Variants in GDAP1 observed in about 807,000 individuals in gnomAD.
GDAP1 encodes ganglioside-induced differentiation-associated protein 1.
Under a neutral mutation model 40.1 loss-of-function variants are expected in GDAP1, and 34 were observed. That is an observed-to-expected ratio of 0.85 (90% CI 0.64 to 1.13). GDAP1 has a LOEUF of 1.13. GDAP1 is among the 50% of genes most tolerant of loss of function. The probability of loss-of-function intolerance (pLI) is 0.00; values close to 1 mark genes in which losing one functional copy is unlikely to be tolerated. For missense variants in GDAP1, 374 were observed against 433.7 expected (o/e 0.86, Z 1.22); for synonymous variants, 170 against 157.4 (o/e 1.08, Z -0.60).
At chr8:74,480,138 G>A (rs1316814252) in intron 2 of GDAP1, among the ~76,000 whole-genome samples, 1 of 151,962 alleles carries the variant, frequency 6.6e-6, no homozygotes, top group African/African-American at 2.4e-5. Flanking sequence ...ATAGGCGCAT[G>A]CCACCACACC....
At chr8:74,446,124 G>A (rs962466514) in intron 2 of GDAP1, among the ~76,000 whole-genome samples, 2 of 152,112 alleles carry the variant, frequency 1.3e-5, no homozygotes, top group Non-Finnish European at 2.9e-5. Flanking sequence ...GGGGAGCTGG[G>A]TTGCTATCAG....
At chr8:74,401,937 G>A (rs561866152) in intron 2 of GDAP1, among the ~76,000 whole-genome samples, 2 of 150,092 alleles carry the variant, frequency 1.3e-5, no homozygotes, top group East Asian at 1.9e-4. Context: ...AGGAGTACCC[G>A]GCCGTGTGGT....
intron 2 of GDAP1, among the ~76,000 whole-genome samples, chr8:74,420,392 C>T (rs768266294): frequency 6.6e-6 from 1 of 152,112 alleles, no homozygotes; most frequent in Non-Finnish European, 1.5e-5. Context: ...TTACTTTCTA[C>T]ACTTAGGAAA....
chr8:74,375,459 T>C (rs1461595432), intron 2 of GDAP1, among the ~76,000 whole-genome samples: 2 of 152,212 alleles, frequency 1.3e-5, no homozygotes, highest in Non-Finnish European at 2.9e-5. Flanking sequence ...GTTCATATAA[T>C]GGTTGCAAAC....
intron 2 of GDAP1, among the ~76,000 whole-genome samples, chr8:74,444,879 A>C (rs1806208822): frequency 6.6e-6 from 1 of 152,216 alleles, no homozygotes; most frequent in African/African-American, 2.4e-5. Flanking sequence ...CTCTATTTTA[A>C]AACAGCATCT....
chr8:74,486,111 C>T (rs770801158), intron 2 of GDAP1, among the ~76,000 whole-genome samples: 2 of 152,166 alleles, frequency 1.3e-5, no homozygotes, highest in Non-Finnish European at 2.9e-5. Context: ...TAGTTACACA[C>T]ATAGGCTGAT....
chr8:74,429,066 A>C (rs1394260484), intron 2 of GDAP1, among the ~76,000 whole-genome samples: 1 of 151,998 alleles, frequency 6.6e-6, no homozygotes, highest in Non-Finnish European at 1.5e-5. Context: ...ATGGCTGCAT[A>C]GTATTCCATG....
At chr8:74,443,035 G>A (rs1197484835) in intron 2 of GDAP1, among the ~76,000 whole-genome samples, 3 of 152,150 alleles carry the variant, frequency 2.0e-5, no homozygotes, top group African/African-American at 7.2e-5. Context: ...AAACTAGTTG[G>A]GCAATGGGAG....
chr8:74,353,616 A>G (rs766196284), intron 2 of GDAP1, among the ~76,000 whole-genome samples: 33 of 152,170 alleles, frequency 2.2e-4, no homozygotes, highest in Non-Finnish European at 3.8e-4. Context: ...AGTGAATTCT[A>G]CCAACCCTTG....
chr8:74,471,293 T>C (rs1806551004), intron 2 of GDAP1, among the ~76,000 whole-genome samples: 1 of 152,140 alleles, frequency 6.6e-6, no homozygotes, highest in African/African-American at 2.4e-5. Context: ...TGCCATTGCT[T>C]TTGGTGTTTG....
intron 2 of GDAP1, among the ~76,000 whole-genome samples, chr8:74,416,934 T>TG (rs1554553270): frequency 1.4e-5 from 2 of 144,508 alleles, no homozygotes; most frequent in African/African-American, 2.7e-5. Flanking sequence ...TTTTTGTTTT[T>TG]TTTTTTTTTA....
At chr8:74,467,637 A>G (rs1296647474) in intron 2 of GDAP1, among the ~76,000 whole-genome samples, 1 of 152,142 alleles carries the variant, frequency 6.6e-6, no homozygotes, top group Non-Finnish European at 1.5e-5. Flanking sequence ...AGGTTCTTGG[A>G]ATTGAGATTA....
rs1459220484 is a variant in GDAP1 at position 74,366,332 on chromosome 8, C to G, written c.*1965C>G. 2 of 454,214 alleles carry G rather than the reference C, an allele frequency of 4.4e-6. No homozygotes were observed. Among genetic ancestry groups the G allele is most frequent in the African/African-American group, 4.0e-5 (2 of 49,964 alleles). 28.1% of individuals were successfully genotyped at this position (454,214 alleles called of 1,614,324 possible). On this transcript the variant is annotated 3_prime_UTR_variant, in exon 6 of 6. Coordinates refer to ENST00000220822, the MANE Select transcript of GDAP1 (RefSeq NM_018972.4). ...ACTAAGATTGAGTGTTCTTTTTGTTCAGCAACTCTTCTAAAATGTTTCAAG... is the reference window on the plus strand; with the variant it reads ...ACTAAGATTGAGTGTTCTTTTTGTTGAGCAACTCTTCTAAAATGTTTCAAG...
At chr8:74,396,969 C>T (rs1810210728) in intron 2 of GDAP1, among the ~76,000 whole-genome samples, 1 of 152,220 alleles carries the variant, frequency 6.6e-6, no homozygotes, top group Admixed American at 6.5e-5. Context: ...TACAGTCCCA[C>T]CAACAGTGTA....
At chr8:74,436,792 C>A (rs1243394848) in intron 2 of GDAP1, among the ~76,000 whole-genome samples, 1 of 152,060 alleles carries the variant, frequency 6.6e-6, no homozygotes, top group Non-Finnish European at 1.5e-5. Context: ...CGGCCCTTTA[C>A]CCCCCATAAG....
intron 2 of GDAP1, among the ~76,000 whole-genome samples, chr8:74,442,716 G>A (rs1450288107): frequency 6.6e-6 from 1 of 152,192 alleles, no homozygotes; most frequent in African/African-American, 2.4e-5. Flanking sequence ...GCACAGGAGA[G>A]CAAATGTAAA....
At chr8:74,380,059 G>A (rs1294762322) in intron 2 of GDAP1, among the ~76,000 whole-genome samples, 1 of 152,218 alleles carries the variant, frequency 6.6e-6, no homozygotes, top group Non-Finnish European at 1.5e-5. Context: ...GCAGTTTTGA[G>A]TGGGGTCAGA....
chr8:74,429,160 T>G (rs1805994960), intron 2 of GDAP1, among the ~76,000 whole-genome samples: 1 of 152,164 alleles, frequency 6.6e-6, no homozygotes, highest in African/African-American at 2.4e-5. Context: ...TTGTGAATAG[T>G]GCTGCAATAA....
chr8:74,412,549 T>G (rs1159876508), intron 2 of GDAP1, among the ~76,000 whole-genome samples: 1 of 150,022 alleles, frequency 6.7e-6, no homozygotes, highest in Non-Finnish European at 1.5e-5. Context: ...TGCCAGCAGA[T>G]TTGTCAACAA....
Sources: allele counts gnomAD v4.1 joint callset (sites outside exome capture counted in the v4.1 genomes callset), GRCh38; gene constraint gnomAD v4.1.1; transcripts MANE v1.5; gene names NCBI Gene and HGNC (gene_info 2026-07-23, HGNC 2026-07-21).